Variants in PRAMEF4 observed in about 807,000 individuals in gnomAD.
PRAMEF4 encodes PRAME family member 4, also known as RP5-845O24.6.
A neutral mutation model predicts 34.4 loss-of-function variants in PRAMEF4; 18 were observed. That is an observed-to-expected ratio of 0.52 (90% confidence interval 0.36 to 0.78). The LOEUF is 0.78. Among genes scored for constraint, PRAMEF4 ranks in the 30% least tolerant of loss-of-function variants. The pLI is 0.00. For missense variants in PRAMEF4, 482 were observed against 569.1 expected, an observed-to-expected ratio of 0.85 and a Z score of 1.56; for synonymous variants, 156 against 219.3, an observed-to-expected ratio of 0.71 and a Z score of 2.55.
rs532126216 is a variant in PRAMEF4 at position 12,883,438 on chromosome 1, G to T, written c.-16-28C>A. 28 of 1,600,518 alleles carry T rather than the reference G, an allele frequency of 1.7e-5. 1 individual carries two copies. Among genetic ancestry groups the T allele is most frequent in the Non-Finnish European group, 2.3e-5 (27 of 1,174,132 alleles). ...TCCAGAGGACAAACCCAGAGAAAAGGCATCTCTCTCGGGCCAAGCCCATGC... is the reference window on the plus strand; with the variant it reads ...TCCAGAGGACAAACCCAGAGAAAAGTCATCTCTCTCGGGCCAAGCCCATGC... On this transcript the variant is annotated intron_variant, in intron 1 of 3. Transcript: ENST00000235349.
intron 3 of PRAMEF4, 53 bp from the exon 4 acceptor site, chr1:12,880,158 G>C: frequency 6.4e-7 from 1 of 1,569,690 alleles, no homozygotes; most frequent in South Asian, 1.1e-5. Flanking sequence ...GGTGAGTGGA[G>C]GGTGGTGGGG....
Position 12,883,285 on chromosome 1 carries a change from A to C in PRAMEF4, c.110T>G (p.Leu37Arg), listed in dbSNP as rs762309084. Residue 37 changes from leucine (L) to arginine (R), a missense_variant, in exon 2 of 4, where the codon CTT (leucine) becomes CGT (arginine). This residue lies in a region of PRAMEF4 where 172 missense variants were observed against 130.2 expected (regional missense o/e 1.32). Transcript: ENST00000235349. ...GGCCTCCATGAACAGTGGGGGGAAA[A>C]GTTCTGTGGGCAGCTCCTCCAGGGT... ...MSTLEELPTE[L>R]FPPLFMEAFS... 1.3e-6 allele frequency: 2 copies of C among 1,599,238 alleles called. No individual in the cohort carries two copies. Among genetic ancestry groups the C allele is most frequent in the East Asian group, 2.3e-5 (1 of 44,266 alleles).
rs201506168 is a variant in PRAMEF4 at position 12,883,778 on chromosome 1, T to A, written c.-16-368A>T. ...AATGTCACAAGCCTACATGCCCACATTTTCAGTTCCTACAAATAAGCTTGT... is the reference window on the plus strand; with the variant it reads ...AATGTCACAAGCCTACATGCCCACAATTTCAGTTCCTACAAATAAGCTTGT... On this transcript the variant is annotated intron_variant, in intron 1 of 3. Transcript: ENST00000235349. Among the ~76,000 whole-genome samples, 12 of 147,682 alleles carry A rather than the reference T, an allele frequency of 8.1e-5. 2 individuals carry two copies. Among genetic ancestry groups the A allele is most frequent in the South Asian group, 4.4e-4 (2 of 4,576 alleles).
chr1:12,881,482 C>T (rs2100421122), intron 3 of PRAMEF4, among the ~76,000 whole-genome samples: 1 of 149,386 alleles, frequency 6.7e-6, no homozygotes, highest in African/African-American at 2.5e-5. Flanking sequence ...CCTCTTGCCT[C>T]AGACTCCCAA....
In PRAMEF4 at chr1:12,882,099, C is replaced by G; in HGVS notation, c.630G>C (p.Gln210His). 6.3e-7 allele frequency: 1 copy of G among 1,585,484 alleles called. No individual in the cohort carries two copies. ...CCCACTTGCAATTCACTTCCACCTCCTGGATACAGTCTAGGTTCACCATTT... is the reference window on the plus strand; with the variant it reads ...CCCACTTGCAATTCACTTCCACCTCGTGGATACAGTCTAGGTTCACCATTT... The part of the protein sequence containing the change: ...ILKMVNLDCI[Q>H]EVEVNCKWVL... Residue 210 changes from glutamine to histidine, a missense_variant, in exon 3 of 4, where the codon CAG becomes CAC. Around this residue, in one of 6 missense-constraint regions of PRAMEF4, gnomAD observed 72 missense variants for 128.9 expected, o/e 0.56. Coordinates refer to ENST00000235349, the MANE Select transcript of PRAMEF4 (RefSeq NM_001009611.4).
chr1:12,885,683 A>G (rs1353901204), intron 1 of PRAMEF4, among the ~76,000 whole-genome samples: 3 of 146,126 alleles, frequency 2.1e-5, no homozygotes, highest in Non-Finnish European at 4.5e-5. Flanking sequence ...GAGGATGGAG[A>G]CTGAGGCATG....
chr1:12,880,022 G>A lies in PRAMEF4; in HGVS notation c.959C>T (p.Pro320Leu), dbSNP rs374610024. 7.5e-5 allele frequency: 120 copies of A among 1,595,548 alleles called. 3 individuals are homozygous for A. The highest frequency in any genetic ancestry group is 7.4e-4 in the East Asian group (33 of 44,600). ...ESDLKHLSQC[P>L]SISQLKTLDL... ...CAGGGTCTTTAGTTGACTGATACTC[G>A]GGCACTGGGATAGATGCTTCAAGTC... The change falls in exon 4 of 4, where the codon CCG becomes CTG. Residue 320 changes from proline to leucine, a missense_variant. Around this residue, in one of 6 missense-constraint regions of PRAMEF4, gnomAD observed 35 missense variants for 109.2 expected, o/e 0.32. Coordinates refer to ENST00000235349, the MANE Select transcript of PRAMEF4 (RefSeq NM_001009611.4).
chr1:12,881,243 G>A (rs1425588900), intron 3 of PRAMEF4, among the ~76,000 whole-genome samples: 3 of 147,994 alleles, frequency 2.0e-5, no homozygotes, highest in Non-Finnish European at 4.5e-5. Context: ...GCTCACGCCT[G>A]TAATCCCAGG....
chr1:12,883,298 G>C lies in PRAMEF4; in HGVS notation c.97C>G (p.Leu33Val), dbSNP rs766832204. Residue 33 changes from leucine to valine, a missense_variant, in exon 2 of 4, where the codon CTG becomes GTG. This residue lies in a region of PRAMEF4 where 172 missense variants were observed against 130.2 expected (regional missense o/e 1.32). Transcript: ENST00000235349. The part of the protein sequence containing the change: ...QALAMSTLEE[L>V]PTELFPPLFM... ...AGTGGGGGGAAAAGTTCTGTGGGCA[G>C]CTCCTCCAGGGTGGACATGGCCAAA... 30 of 1,599,764 alleles carry C rather than the reference G, an allele frequency of 1.9e-5. 4 individuals are homozygous for C. Among genetic ancestry groups the C allele is most frequent in the Non-Finnish European group, 2.3e-5 (27 of 1,173,254 alleles).
In PRAMEF4 at chr1:12,879,823, G is replaced by A. The variant is rs1640852292; in HGVS notation, c.1158C>T (p.Ser386=). The A allele has an allele frequency of 6.3e-7, 1 of 1,599,922 alleles. No individual in the cohort carries two copies. Among genetic ancestry groups the A allele is most frequent in the Non-Finnish European group, 8.5e-7 (1 of 1,173,660 alleles). ...LSRCFELNTF[S]FCGNPICMAT... ...CCATGCAGATGGGATTTCCACAGAA[G>A]CTGAAGGTGTTGAGCTCAAAGCAGC... The change falls in exon 4 of 4, where the codon AGC becomes AGT. Residue 386 remains serine (S), a synonymous_variant. Transcript: ENST00000235349.
rs575897521 is a variant in PRAMEF4 at position 12,884,153 on chromosome 1, A to G, written c.-16-743T>C. On this transcript the variant is annotated intron_variant, in intron 1 of 3. Transcript: ENST00000235349. ...CTCCCAAGTAGCTCGGACCACAGTTATGCATCACCACACCCAGCTCATCTT... is the reference window on the plus strand; with the variant it reads ...CTCCCAAGTAGCTCGGACCACAGTTGTGCATCACCACACCCAGCTCATCTT... Among the ~76,000 whole-genome samples the G allele has an allele frequency of 3.4e-5, 5 of 145,664 alleles. No homozygotes were observed. In the South Asian group the frequency reaches 1.1e-3, roughly 32 times the overall value.
At chr1:12,881,664 C>T (rs1640891572) in intron 3 of PRAMEF4, among the ~76,000 whole-genome samples, 190 bp downstream of exon 3, 1 of 143,314 alleles carries the variant, frequency 7.0e-6, no homozygotes, top group African/African-American at 2.7e-5. Context: ...TAGCTGATCC[C>T]TCTGCCTCTA....
rs1368837527 is a variant in PRAMEF4 at position 12,882,055 on chromosome 1, T to C, written c.674A>G (p.Gln225Arg). The change falls in exon 3 of 4, where the codon CAG becomes CGG. Residue 225 changes from glutamine to arginine, a missense_variant. Transcript: ENST00000235349. ...CATGTGGCCCAGGTATGGGGTAAACTGTGTCAGGATGGGCAGTACCCACTT... is the reference window on the plus strand; with the variant it reads ...CATGTGGCCCAGGTATGGGGTAAACCGTGTCAGGATGGGCAGTACCCACTT... ...NCKWVLPILTQFTPYLGHMRN... is the reference protein window; with the variant it reads ...NCKWVLPILTRFTPYLGHMRN... The C allele has an allele frequency of 3.8e-6, 6 of 1,589,990 alleles. 1 individual carries two copies. The highest frequency in any genetic ancestry group is 5.1e-6 in the Non-Finnish European group (6 of 1,173,576).
In PRAMEF4 at chr1:12,885,909, G is replaced by T. The variant is rs141990651; in HGVS notation, c.-17+238C>A. Among the ~76,000 whole-genome samples, 281 of 111,690 alleles carry T rather than the reference G, an allele frequency of 2.5e-3. 6 individuals carry two copies. The highest frequency in any genetic ancestry group is 0.011 in the African/African-American group (272 of 24,702). 73.3% of individuals were successfully genotyped at this position (111,690 alleles called of 152,430 possible). On this transcript the variant is annotated intron_variant, in intron 1 of 3. Transcript: ENST00000235349. ...CCCGAAGTGTTGGGGTTAAAGGCAT[G>T]AGTCACTGCTCCCTTCAAGAATTTT...
At chr1:12,885,581 G>C (rs558661399) in intron 1 of PRAMEF4, among the ~76,000 whole-genome samples, 3 of 147,412 alleles carry the variant, frequency 2.0e-5, no homozygotes, top group East Asian at 2.0e-4. Flanking sequence ...AGGTGTTCGA[G>C]ACCAACCTGG....
chr1:12,883,329 G>T lies in PRAMEF4; in HGVS notation c.66C>A (p.Asp22Glu), dbSNP rs191169219. 5.0e-6 allele frequency: 8 copies of T among 1,600,178 alleles called. No individual in the cohort carries two copies. Among genetic ancestry groups the T allele is most frequent in the East Asian group, 4.5e-5 (2 of 44,338 alleles). ...CCAGGGTGGACATGGCCAAAGCTTG[G>T]TCCCTTAGCAGGCTCCGCCCTGCAA... ...LELAGRSLLR[D>E]QALAMSTLEE... Residue 22 changes from aspartate to glutamate, a missense_variant, in exon 2 of 4, where the codon GAC becomes GAA. Transcript: ENST00000235349.
At chr1:12,883,013 C>A (rs976261627) in intron 2 of PRAMEF4, 89 bp downstream of exon 2, 22 of 1,550,268 alleles carry the variant, frequency 1.4e-5, no homozygotes, top group Non-Finnish European at 1.8e-5. Context: ...CACCACCATC[C>A]CCCTTGGGCC....
intron 1 of PRAMEF4, 42 bp downstream of exon 1, chr1:12,886,105 G>C (rs113632372): frequency 7.4e-6 from 1 of 134,708 alleles, no homozygotes; most frequent in South Asian, 2.5e-4. Context: ...CCGACTGACT[G>C]TAGGTCAGAT....
Position 12,883,352 on chromosome 1 carries a change from C to A in PRAMEF4, c.43G>T (p.Ala15Ser). 4 of 1,600,764 alleles carry A rather than the reference C, an allele frequency of 2.5e-6. No homozygotes were observed. The highest frequency in any genetic ancestry group is 1.1e-5 in the South Asian group (1 of 90,236). Residue 15 changes from alanine (A) to serine (S), a missense_variant, in exon 2 of 4, where the codon GCA becomes TCA. Around this residue, in one of 6 missense-constraint regions of PRAMEF4, gnomAD observed 172 missense variants for 130.2 expected, o/e 1.32. Transcript: ENST00000235349. ...TGGTCCCTTAGCAGGCTCCGCCCTG[C>A]AAGCTCCAGGAGTCTGGGTGGAGTC... is the stretch of plus-strand genomic sequence containing the variant. ...IWTPPRLLEL[A>S]GRSLLRDQAL...
Sources: allele counts gnomAD v4.1 joint callset (sites outside exome capture counted in the v4.1 genomes callset), GRCh38; gene constraint gnomAD v4.1.1; regional missense constraint gnomAD v4.1.1; transcripts MANE v1.5; gene names NCBI Gene and HGNC (gene_info 2026-07-23, HGNC 2026-07-21).